The following KIAA1671 variants were observed in gnomAD, a reference collection of about 807,000 sequenced individuals.
The protein encoded by KIAA1671 is KIAA1671, also known as uncharacterized protein KIAA1671.
In KIAA1671, 52 loss-of-function variants were observed where a neutral mutation model predicts 131.2. The ratio of observed to expected loss-of-function variants is 0.40; its 90% confidence interval spans 0.32 to 0.50. The LOEUF is 0.50. Among genes scored for constraint, KIAA1671 ranks in the 20% least tolerant of loss-of-function variants. KIAA1671 has a pLI of 0.73. For missense variants in KIAA1671, 2,360 were observed against 2,364.2 expected, an observed-to-expected ratio of 1.00 and a Z score of 0.04; for synonymous variants, 1,003 against 961.6, an observed-to-expected ratio of 1.04 and a Z score of -0.80.
At chr22:25,092,657 C>T (rs1001200830) in intron 6 of KIAA1671, among the ~76,000 whole-genome samples, 3 of 152,000 alleles carry the variant, frequency 2.0e-5, no homozygotes, top group East Asian at 1.9e-4. Context: ...GAGAAGTGAT[C>T]GGGTTCAGGC....
intron 1 of KIAA1671, among the ~76,000 whole-genome samples, chr22:25,000,488 C>T (rs369825674): frequency 1.8e-5 from 1 of 56,510 alleles, no homozygotes; most frequent in African/African-American, 5.9e-5. Flanking sequence ...CCACCGCGCC[C>T]GGCCTTTTTT....
intron 6 of KIAA1671, chr22:25,064,852 A>G (rs1928376087): frequency 6.6e-6 from 1 of 152,122 alleles, no homozygotes; most frequent in African/African-American, 2.4e-5. Context: ...GGACCTACTA[A>G]ACCCTTGGCT....
chr22:25,035,813 A>G (rs1293647043), intron 4 of KIAA1671, among the ~76,000 whole-genome samples: 1 of 152,186 alleles, frequency 6.6e-6, no homozygotes, highest in Non-Finnish European at 1.5e-5. Flanking sequence ...AAAGAAAGGA[A>G]TAGTTAAGAA....
At chr22:25,104,019 C>T (rs1209218787) in intron 6 of KIAA1671, among the ~76,000 whole-genome samples, 1 of 152,118 alleles carries the variant, frequency 6.6e-6, no homozygotes, top group Admixed American at 6.6e-5. Context: ...TGCTCTGTTG[C>T]CCAGGCTGGA....
intron 1 of KIAA1671, among the ~76,000 whole-genome samples, chr22:24,978,003 G>T (rs1033378655): frequency 6.6e-6 from 1 of 152,132 alleles, no homozygotes; most frequent in African/African-American, 2.4e-5. Context: ...CACCACCACC[G>T]TAATCATAGC....
At chr22:25,091,830 A>G (rs1157423260) in intron 6 of KIAA1671, among the ~76,000 whole-genome samples, 1 of 152,158 alleles carries the variant, frequency 6.6e-6, no homozygotes, top group Non-Finnish European at 1.5e-5. Flanking sequence ...GCAAGGATTT[A>G]TTGAGCATCT....
At chr22:25,164,988 T>TGC (rs1432291065) in intron 6 of KIAA1671, among the ~76,000 whole-genome samples, 1 of 126,118 alleles carries the variant, frequency 7.9e-6, no homozygotes, top group African/African-American at 4.5e-5. Context: ...CGTGTGTGTG[T>TGC]GTGTGTGTGT....
chr22:25,002,011 T>C (rs535358177), intron 1 of KIAA1671, among the ~76,000 whole-genome samples: 24 of 152,260 alleles, frequency 1.6e-4, no homozygotes, highest in Non-Finnish European at 3.1e-4. Context: ...ACATATTGCA[T>C]CAGGAATCAG....
intron 6 of KIAA1671, among the ~76,000 whole-genome samples, chr22:25,076,133 T>C (rs1017184380): frequency 6.6e-6 from 1 of 152,204 alleles, no homozygotes; most frequent in African/African-American, 2.4e-5. Context: ...TGCCATGTTA[T>C]TTAAAAAGTT....
At chr22:24,993,355 C>A (rs1923946104) in intron 1 of KIAA1671, among the ~76,000 whole-genome samples, 1 of 152,190 alleles carries the variant, frequency 6.6e-6, no homozygotes, top group African/African-American at 2.4e-5. Context: ...TCTCCAAAGT[C>A]AGCCCATGAT....
intron 10 of KIAA1671, among the ~76,000 whole-genome samples, chr22:25,184,159 A>G (rs1347445857): frequency 3.9e-5 from 6 of 152,272 alleles, no homozygotes; most frequent in African/African-American, 1.4e-4. Flanking sequence ...TGTCCTGGAA[A>G]GAACCCTGGA....
At chr22:24,962,734 C>G (rs1293974406) in intron 1 of KIAA1671, among the ~76,000 whole-genome samples, 1 of 152,128 alleles carries the variant, frequency 6.6e-6, no homozygotes, top group African/African-American at 2.4e-5. Flanking sequence ...AGGTTGCTTC[C>G]CTTCCTGGGA....
intron 6 of KIAA1671, among the ~76,000 whole-genome samples, chr22:25,066,296 A>G (rs1334398213): frequency 6.6e-6 from 1 of 152,130 alleles, no homozygotes; most frequent in African/African-American, 2.4e-5. Context: ...CTACAGGCAC[A>G]CACCACCACA....
intron 6 of KIAA1671, among the ~76,000 whole-genome samples, chr22:25,118,689 A>G (rs1931796189): frequency 6.6e-6 from 1 of 151,944 alleles, no homozygotes. Flanking sequence ...CAACAACCCA[A>G]GAGATCAGGT....
At chr22:25,093,210 G>A (rs1246160076) in intron 6 of KIAA1671, among the ~76,000 whole-genome samples, 1 of 152,172 alleles carries the variant, frequency 6.6e-6, no homozygotes, top group Non-Finnish European at 1.5e-5. Flanking sequence ...ACTCAGAGGT[G>A]CAGTAACTTG....
chr22:25,160,360 A>T (rs1316613143), intron 6 of KIAA1671, among the ~76,000 whole-genome samples: 1 of 152,064 alleles, frequency 6.6e-6, no homozygotes, highest in African/African-American at 2.4e-5. Context: ...CAGCCCCCTC[A>T]TTCAGAGGCT....
At chr22:25,016,125 A>T (rs1312141232) in intron 1 of KIAA1671, among the ~76,000 whole-genome samples, 1 of 151,218 alleles carries the variant, frequency 6.6e-6, no homozygotes, top group Non-Finnish European at 1.5e-5. Context: ...GGCTCAAGCG[A>T]TTCTCCTGCC....
intron 1 of KIAA1671, among the ~76,000 whole-genome samples, chr22:24,977,912 C>T (rs1922997965): frequency 6.6e-6 from 1 of 152,182 alleles, no homozygotes; most frequent in African/African-American, 2.4e-5. Flanking sequence ...TAAAAATGTC[C>T]CTGGACCTGC....
chr22:24,991,560 G>A (rs921810903), intron 1 of KIAA1671, among the ~76,000 whole-genome samples: 1 of 150,238 alleles, frequency 6.7e-6, no homozygotes, highest in African/African-American at 2.5e-5. Flanking sequence ...GGGTTCAAGC[G>A]ATTCTCCTGC....
Sources: gnomAD v4.1 joint callset for allele counts (sites outside exome capture counted in the v4.1 genomes callset) on GRCh38, gnomAD v4.1.1 for gene constraint, MANE v1.5 for transcripts, NCBI Gene and HGNC (gene_info 2026-07-23, HGNC 2026-07-21) for gene names.